RABGAP1L: variants seen among roughly 807,000 people sequenced by gnomAD.
RABGAP1L encodes the protein RAB GTPase activating protein 1 like, also known as rab GTPase-activating protein 1-like.
In RABGAP1L, 63 loss-of-function variants were observed where a neutral mutation model predicts 137.7. The observed-to-expected ratio is 0.46, with a 90% CI of 0.37 to 0.56. RABGAP1L has a LOEUF of 0.56. Among genes scored for constraint, RABGAP1L ranks in the 20% least tolerant of loss-of-function variants. The pLI is 0.00. For missense variants in RABGAP1L, 1,095 were observed against 1,244.0 expected, an observed-to-expected ratio of 0.88 and a Z score of 1.80; for synonymous variants, 431 against 433.7, an observed-to-expected ratio of 0.99 and a Z score of 0.08.
chr1:174,374,176 C>T (rs140322392), intron 12 of RABGAP1L, among the ~76,000 whole-genome samples: 8 of 152,242 alleles, frequency 5.3e-5, no homozygotes, highest in East Asian at 3.9e-4. Flanking sequence ...GCTACTGTTA[C>T]GTGGTTTCTT....
intron 11 of RABGAP1L, among the ~76,000 whole-genome samples, chr1:174,321,252 GC>G (rs1355815279): frequency 6.6e-6 from 1 of 152,184 alleles, no homozygotes; most frequent in Non-Finnish European, 1.5e-5. Flanking sequence ...GACAATGTGT[GC>G]CCAGTGGGGC....
chr1:174,730,601 C>G (rs1356617223), intron 17 of RABGAP1L, among the ~76,000 whole-genome samples: 1 of 152,076 alleles, frequency 6.6e-6, no homozygotes, highest in Non-Finnish European at 1.5e-5. Flanking sequence ...TTTGGATTTT[C>G]CCCGAAACTG....
chr1:174,220,681 G>GA, intron 2 of RABGAP1L: 1 of 184,018 alleles, frequency 5.4e-6, no homozygotes. Context: ...AAAGAAAGGG[G>GA]AAAAAAAGAT....
At chr1:174,955,108 T>A (rs1482784570) in intron 19 of RABGAP1L, among the ~76,000 whole-genome samples, 1 of 152,222 alleles carries the variant, frequency 6.6e-6, no homozygotes, top group African/African-American at 2.4e-5. Flanking sequence ...TATTGCACTC[T>A]AGTTGGTCAC....
chr1:174,380,350 T>G (rs1686014661), intron 12 of RABGAP1L, among the ~76,000 whole-genome samples: 3 of 152,038 alleles, frequency 2.0e-5, no homozygotes, highest in African/African-American at 7.3e-5. Flanking sequence ...TTGGAATAGT[T>G]TCAGAAGGAA....
chr1:174,292,819 C>G (rs1042622299), intron 10 of RABGAP1L, among the ~76,000 whole-genome samples: 2 of 152,160 alleles, frequency 1.3e-5, no homozygotes, highest in Non-Finnish European at 2.9e-5. Context: ...ATTTCTATGA[C>G]TATTACTGTA....
chr1:174,629,456 A>C, intron 13 of RABGAP1L, among the ~76,000 whole-genome samples: 1 of 152,210 alleles, frequency 6.6e-6, no homozygotes, highest in East Asian at 1.9e-4. Flanking sequence ...GCCAAATGAG[A>C]GCACTGTATA....
rs577970607 is a variant in RABGAP1L at position 174,842,672 on chromosome 1, C to T, written c.2340+30712C>T. ...GCAGAGCTAAACTCACACAATCTTA[C>T]TCAAGATCCTAGTGCTGGTACATGG... On this transcript the variant is annotated intron_variant, in intron 19 of 25. Coordinates refer to ENST00000681986, the MANE Select transcript of RABGAP1L (RefSeq NM_001366446.1). Among the ~76,000 whole-genome samples the T allele has an allele frequency of 3.3e-5, 5 of 152,302 alleles. No individual in the cohort carries two copies. The South Asian group carries it at 1.0e-3, about 32-fold the overall frequency.
chr1:174,985,253 TGTG>T (rs1046121256), intron 24 of RABGAP1L, among the ~76,000 whole-genome samples: 10 of 152,196 alleles, frequency 6.6e-5, no homozygotes, highest in Admixed American at 3.3e-4. Flanking sequence ...ATTAGCCGGA[TGTG>T]GTGGCATGCA....
At position 174,346,822 on chromosome 1, in the gene RABGAP1L, T is replaced by G. The variant is rs141612772; in HGVS notation, c.1466-24157T>G. ...CTTTAAGTTGCATCGTTAGGTTGTT[T>G]GATGTTTTTTCTACTTTTTTGATGT... On this transcript the variant is annotated intron_variant, in intron 11 of 25. Coordinates refer to ENST00000681986, the MANE Select transcript of RABGAP1L (RefSeq NM_001366446.1). Among the ~76,000 whole-genome samples the G allele has an allele frequency of 2.9e-3, 435 of 152,204 alleles. 3 individuals carry two copies. Among genetic ancestry groups the G allele is most frequent in the African/African-American group, 9.8e-3 (407 of 41,576 alleles).
intron 17 of RABGAP1L, among the ~76,000 whole-genome samples, chr1:174,749,171 G>A (rs1265430439): frequency 8.7e-6 from 1 of 115,500 alleles, no homozygotes; most frequent in African/African-American, 4.6e-5. Context: ...GCAAGACTCT[G>A]TCTCAAAAAA....
At chr1:174,355,673 A>T (rs919683090) in intron 11 of RABGAP1L, among the ~76,000 whole-genome samples, 1 of 152,140 alleles carries the variant, frequency 6.6e-6, no homozygotes, top group African/African-American at 2.4e-5. Flanking sequence ...GCTGTTCTTC[A>T]GATAAGATGT....
At chr1:174,441,771 A>C (rs1385717205) in intron 13 of RABGAP1L, among the ~76,000 whole-genome samples, 1 of 151,988 alleles carries the variant, frequency 6.6e-6, no homozygotes, top group Admixed American at 6.6e-5. Flanking sequence ...AAAAACGAAC[A>C]AAAAAATGAA....
chr1:174,615,239 T>C (rs934173290), intron 13 of RABGAP1L, among the ~76,000 whole-genome samples: 3 of 152,212 alleles, frequency 2.0e-5, no homozygotes, highest in Non-Finnish European at 4.4e-5. Flanking sequence ...ATGATGGTTA[T>C]GTACAGATGG....
chr1:174,647,772 G>A (rs1202065143), intron 14 of RABGAP1L, among the ~76,000 whole-genome samples: 3 of 152,132 alleles, frequency 2.0e-5, no homozygotes, highest in African/African-American at 7.2e-5. Context: ...AATAGTTTCA[G>A]AAGGAATGGT....
intron 19 of RABGAP1L, among the ~76,000 whole-genome samples, chr1:174,872,021 A>C (rs1293876938): frequency 1.3e-5 from 2 of 152,238 alleles, no homozygotes; most frequent in African/African-American, 4.8e-5. Context: ...ATTCTTTCAT[A>C]GTCTGGAATC....
chr1:174,162,777 G>GTTTTTTTTTTTTTTT (rs67811794), intron 1 of RABGAP1L, among the ~76,000 whole-genome samples: 3 of 51,556 alleles, frequency 5.8e-5, no homozygotes, highest in African/African-American at 8.1e-5. Context: ...TTCTCTTTCT[G>GTTTTTTTTTTTTTTT]TTTTTTTTTT....
chr1:174,491,528 C>A (rs2149354176), intron 13 of RABGAP1L, among the ~76,000 whole-genome samples: 1 of 152,096 alleles, frequency 6.6e-6, no homozygotes, highest in South Asian at 2.1e-4. Context: ...CAAGGGGTCT[C>A]TTTTGCAGCC....
chr1:174,301,670 T>A (rs1010311046), intron 10 of RABGAP1L, among the ~76,000 whole-genome samples: 1 of 152,102 alleles, frequency 6.6e-6, no homozygotes, highest in Admixed American at 6.5e-5. Context: ...GGTGGTCCCC[T>A]ACCCAAAGTC....
Sources: gnomAD v4.1 joint callset for allele counts (sites outside exome capture counted in the v4.1 genomes callset) on GRCh38, gnomAD v4.1.1 for gene constraint, MANE v1.5 for transcripts, NCBI Gene and HGNC (gene_info 2026-07-23, HGNC 2026-07-21) for gene names.